Variants in GPHN observed in about 807,000 individuals in gnomAD.
GPHN encodes gephyrin.
In GPHN, 17 loss-of-function variants were observed where a neutral mutation model predicts 95.5. The observed-to-expected ratio is 0.18, with a 90% CI of 0.12 to 0.27. The LOEUF (loss-of-function observed/expected upper bound fraction) is 0.27. GPHN is among the 10% of genes least tolerant of loss of function. The pLI is 1.00. For missense variants in GPHN, 660 were observed against 978.1 expected (o/e 0.67, Z 4.34); for synonymous variants, 320 against 322.5 (o/e 0.99, Z 0.08).
chr14:67,542,057 G>C, the GPHN span: 1 of 1,426,000 alleles, frequency 7.0e-7, no homozygotes, highest in Non-Finnish European at 9.4e-7. Context: ...GGAGGGCCGT[G>C]TGAGAGAGGG....
the GPHN span, chr14:67,613,716 C>A: frequency 6.9e-5 from 15 of 216,680 alleles, no homozygotes; most frequent in Non-Finnish European, 2.0e-5. Context: ...ACCATTACAG[C>A]CTGTATTTGC....
the GPHN span, among the ~76,000 whole-genome samples, chr14:67,254,623 GTTTAA>G: frequency 2.6e-5 from 4 of 152,088 alleles, no homozygotes; most frequent in African/African-American, 9.7e-5. Flanking sequence ...CACTGCTTCA[GTTTAA>G]TTTATAGATA....
chr14:67,055,969 G>A (rs1418139542), intron 10 of GPHN, among the ~76,000 whole-genome samples: 1 of 152,120 alleles, frequency 6.6e-6, no homozygotes, highest in African/African-American at 2.4e-5. Context: ...GGTCTTGCTG[G>A]CTTCAGGAGT....
intron 3 of GPHN, among the ~76,000 whole-genome samples, chr14:66,817,654 A>G (rs190019432): frequency 4.5e-4 from 68 of 152,276 alleles, no homozygotes; most frequent in Middle Eastern, 3.4e-3. Flanking sequence ...AGCTGAAATA[A>G]TGTCACCTCA....
chr14:67,308,550 T>TTC, the GPHN span, among the ~76,000 whole-genome samples: 1 of 146,730 alleles, frequency 6.8e-6, no homozygotes, highest in African/African-American at 2.5e-5. Context: ...CTTTTTCTTT[T>TTC]TTTTTTTTTT....
intron 5 of GPHN, among the ~76,000 whole-genome samples, chr14:66,908,398 T>C (rs1315143666): frequency 6.6e-6 from 1 of 152,062 alleles, no homozygotes; most frequent in Non-Finnish European, 1.5e-5. Context: ...ACAAGCAGTA[T>C]CTTATTATAA....
At chr14:67,397,092 C>T in the GPHN span, among the ~76,000 whole-genome samples, 1 of 152,154 alleles carries the variant, frequency 6.6e-6, no homozygotes, top group East Asian at 1.9e-4. Context: ...GCCACTGCGA[C>T]CACGCTCAGC....
At chr14:67,654,017 G>A in the GPHN span, among the ~76,000 whole-genome samples, 4 of 152,166 alleles carry the variant, frequency 2.6e-5, no homozygotes, top group Non-Finnish European at 5.9e-5. Flanking sequence ...AATCTGGACA[G>A]CTGGAGGATA....
chr14:67,647,052 C>A, the GPHN span: 1 of 1,438,810 alleles, frequency 7.0e-7, no homozygotes, highest in Non-Finnish European at 9.8e-7. Flanking sequence ...GATGTCAGGG[C>A]AAACCCCCAA....
chr14:67,578,836 T>C, the GPHN span, among the ~76,000 whole-genome samples: 109 of 152,326 alleles, frequency 7.2e-4, no homozygotes, highest in South Asian at 3.1e-3. The surrounding 1 kb of genome is among the most constrained non-coding windows in gnomAD (Gnocchi z 5.0). Context: ...CGCCAATCCA[T>C]GTATCCACGG....
the GPHN span, among the ~76,000 whole-genome samples, chr14:67,416,148 G>A: frequency 6.6e-6 from 1 of 152,178 alleles, no homozygotes; most frequent in African/African-American, 2.4e-5. Flanking sequence ...TAAACAAGAA[G>A]CTTTGCTGAT....
At chr14:66,782,841 A>C (rs970027965) in intron 3 of GPHN, among the ~76,000 whole-genome samples, 4 of 152,094 alleles carry the variant, frequency 2.6e-5, no homozygotes, top group African/African-American at 9.7e-5. Context: ...TCAAAAACAA[A>C]CAAACAAACA....
chr14:67,559,557 C>T, the GPHN span: 2 of 1,306,626 alleles, frequency 1.5e-6, no homozygotes, highest in South Asian at 1.3e-5. Context: ...TCCAGTCAGT[C>T]ACTCTCCTGG....
intron 2 of GPHN, among the ~76,000 whole-genome samples, chr14:66,753,131 A>G (rs2058432647): frequency 6.6e-6 from 1 of 151,940 alleles, no homozygotes; most frequent in African/African-American, 2.4e-5. Flanking sequence ...TTTTTTAGGA[A>G]CCCACTGTTG....
the GPHN span, among the ~76,000 whole-genome samples, chr14:67,708,886 A>G: frequency 6.7e-6 from 1 of 149,440 alleles, no homozygotes; most frequent in African/African-American, 2.5e-5. Context: ...TCTGCCCCTC[A>G]GGTTCAAGTG....
chr14:66,560,695 A>G (rs1284444585), intron 1 of GPHN, among the ~76,000 whole-genome samples: 2 of 152,166 alleles, frequency 1.3e-5, no homozygotes, highest in African/African-American at 4.8e-5. Flanking sequence ...AAACAGGGAC[A>G]ATTTGACTTC....
At chr14:66,877,805 C>T (rs1345850421) in intron 4 of GPHN, among the ~76,000 whole-genome samples, 35 of 152,136 alleles carry the variant, frequency 2.3e-4, no homozygotes, top group Non-Finnish European at 4.4e-5. Flanking sequence ...GCCATACTGC[C>T]CAAAGGAATT....
chr14:67,660,111 C>G, the GPHN span: 1 of 567,302 alleles, frequency 1.8e-6, no homozygotes, highest in Non-Finnish European at 3.0e-6. Flanking sequence ...TAGTGCCCAG[C>G]AAGCACAGAG....
At chr14:67,367,149 C>T in the GPHN span, among the ~76,000 whole-genome samples, 5 of 152,170 alleles carry the variant, frequency 3.3e-5, no homozygotes, top group African/African-American at 1.2e-4. Flanking sequence ...AAAATCTGAA[C>T]AGATTTCAGT....
Sources: gnomAD v4.1 joint callset for allele counts (sites outside exome capture counted in the v4.1 genomes callset) on GRCh38, gnomAD v4.1.1 for gene constraint, Gnocchi (gnomAD v3.1) non-coding constraint, MANE v1.5 for transcripts, NCBI Gene and HGNC (gene_info 2026-07-23, HGNC 2026-07-21) for gene names.